FNDC10: variants seen among roughly 807,000 people sequenced by gnomAD.
FNDC10 encodes the protein fibronectin type III domain-containing protein 10.
In FNDC10, 8 loss-of-function variants were observed where a neutral mutation model predicts 11.6. The observed-to-expected ratio is 0.69, with a 90% CI of 0.41 to 1.25. The LOEUF is 1.25. Ranked by LOEUF, FNDC10 falls within the 50% of genes most tolerant of loss-of-function variation. The probability of loss-of-function intolerance (pLI) is 0.01; values close to 1 mark genes in which losing one functional copy is unlikely to be tolerated. For missense variants in FNDC10, 308 were observed against 330.2 expected (o/e 0.93, Z 0.52); for synonymous variants, 187 against 162.9 (o/e 1.15, Z -1.12).
chr1:1,599,919 C>A lies in FNDC10; in HGVS notation c.97G>T (p.Asp33Tyr). 1 of 1,000,336 alleles carries A rather than the reference C, an allele frequency of 1.0e-6. No homozygotes were observed. The highest frequency in any genetic ancestry group is 4.5e-5 in the South Asian group (1 of 22,276). The allele number at this position is 1,000,336 out of a possible 1,614,324, so 62.0% of individuals were successfully genotyped here. A position where few individuals can be genotyped will look rare whatever the true frequency, so the allele number is the denominator to read the frequency against. ...PTPPGWEPTP[D>Y]APWCPYKVLP... ...ACCTTGTAGGGGCACCAGGGCGCGT[C>A]GGGGGTCGGCTCCCAGCCCGGCGGC... is the stretch of plus-strand genomic sequence containing the variant. The change falls in exon 1 of 1, where the codon GAC becomes TAC. Residue 33 changes from aspartate to tyrosine, a missense_variant. By Grantham distance (160) the Asp-to-Tyr change is radical. Transcript: ENST00000422725. This position sits in a 1 kb window ranked among gnomAD's most constrained non-coding sequence, Gnocchi z 6.7.
Position 1,599,285 on chromosome 1 carries a change from T to C in FNDC10, c.*50A>G, listed in dbSNP as rs532123778. 2.1e-6 allele frequency: 3 copies of C among 1,422,198 alleles called. No individual in the cohort carries two copies. Among genetic ancestry groups the C allele is most frequent in the South Asian group, 2.8e-5 (2 of 71,506 alleles). 88.1% of individuals were successfully genotyped at this position (1,422,198 alleles called of 1,614,324 possible). On this transcript the variant is annotated 3_prime_UTR_variant, in exon 1 of 1. Coordinates refer to ENST00000422725, the MANE Select transcript of FNDC10 (RefSeq NM_001242659.2). The surrounding 1 kb of genome is among the most constrained non-coding windows in gnomAD (Gnocchi z 6.7). ...GAGAGCGGGCGGAGGACCTGGGAGC[T>C]CAGGCGCCCTCAGGCAGGTGGCGCA...
chr1:1,599,617 G>A lies in FNDC10; in HGVS notation c.399C>T (p.Tyr133=). ...CGCTGTCGTGCACGTCGGGCAGCAG[G>A]TAGTCGCGGCAGGAGGCCCCGAGGA... ...RVLLGASCRD[Y]LLPDVHDSVL... Residue 133 remains tyrosine, a synonymous_variant, in exon 1 of 1, where the codon TAC becomes TAT. Transcript: ENST00000422725. This position sits in a 1 kb window ranked among gnomAD's most constrained non-coding sequence, Gnocchi z 6.7. 1 of 1,498,594 alleles carries A rather than the reference G, an allele frequency of 6.7e-7. No individual in the cohort carries two copies. The highest frequency in any genetic ancestry group is 8.9e-7 in the Non-Finnish European group (1 of 1,129,442). 92.8% of individuals were successfully genotyped at this position (1,498,594 alleles called of 1,614,324 possible).
rs531027514 is a variant in FNDC10 at position 1,599,380 on chromosome 1, G to C, written c.636C>G (p.Leu212=). 202 of 1,531,664 alleles carry C rather than the reference G, an allele frequency of 1.3e-4. No individual in the cohort carries two copies. Among genetic ancestry groups the C allele is most frequent in the Admixed American group, 4.4e-4 (22 of 50,104 alleles). The allele number at this position is 1,531,664 out of a possible 1,614,324, so 94.9% of individuals were successfully genotyped here. A position where few individuals can be genotyped will look rare whatever the true frequency, so the allele number is the denominator to read the frequency against. The part of the protein sequence containing the change: ...CLLVAYITEN[L]MRPALARPGL... ...CGGGGCGCGCGAGGGCCGGGCGCAT[G>C]AGGTTCTCGGTGATGTAGGCCACCA... Residue 212 remains leucine, a synonymous_variant, in exon 1 of 1, where the codon CTC becomes CTG. Transcript: ENST00000422725. The surrounding 1 kb of genome is among the most constrained non-coding windows in gnomAD (Gnocchi z 6.7).
rs1643070412 is a variant in FNDC10 at position 1,598,247 on chromosome 1, C to G, written c.*1088G>C. On this transcript the variant is annotated 3_prime_UTR_variant, in exon 1 of 1. Transcript: ENST00000422725. ...AGGGGAGGGCAGTGCCATAACCCTC[C>G]TGGTGTCCAGCGTCACCAGGCGGTC... is the stretch of plus-strand genomic sequence containing the variant. The G allele has an allele frequency of 6.6e-6, 1 of 152,294 alleles. No individual in the cohort carries two copies. The highest frequency in any genetic ancestry group is 1.5e-5 in the Non-Finnish European group (1 of 68,096). The allele number at this position is 152,294 out of a possible 1,614,324, so 9.4% of individuals were successfully genotyped here.
rs1372884092 is a variant in FNDC10, at chr1:1,600,068, C to G, written c.-53G>C. 1.1e-6 allele frequency: 1 copy of G among 921,534 alleles called. No homozygotes were observed. The highest frequency in any genetic ancestry group is 1.2e-4 in the East Asian group (1 of 8,326). The allele number at this position is 921,534 out of a possible 1,614,324, so 57.1% of individuals were successfully genotyped here. The stretch of plus-strand genomic sequence containing the variant: ...CTGGGTCACGCGGGCCGCGCCGCCG[C>G]CGTCCCCGCTGCCCGCTCCCCGCGA... On this transcript the variant is annotated 5_prime_UTR_variant, in exon 1 of 1. Coordinates refer to ENST00000422725, the MANE Select transcript of FNDC10 (RefSeq NM_001242659.2).
Position 1,599,929 on chromosome 1 carries a change from C to T in FNDC10, c.87G>A (p.Glu29=), listed in dbSNP as rs2100221329. The T allele has an allele frequency of 2.0e-6, 2 of 997,128 alleles. No homozygotes were observed. Among genetic ancestry groups the T allele is most frequent in the Middle Eastern group, 5.1e-4 (1 of 1,976 alleles). 61.8% of individuals were successfully genotyped at this position (997,128 alleles called of 1,614,324 possible). Reference sequence around the variant, plus strand: ...GGCACCAGGGCGCGTCGGGGGTCGGCTCCCAGCCCGGCGGCGTCGGGGCGG... The same window carrying T: ...GGCACCAGGGCGCGTCGGGGGTCGGTTCCCAGCCCGGCGGCGTCGGGGCGG... ...AAAAPTPPGW[E]PTPDAPWCPY... The change falls in exon 1 of 1, where the codon GAG becomes GAA. Residue 29 remains glutamate, a synonymous_variant. Coordinates refer to ENST00000422725, the MANE Select transcript of FNDC10 (RefSeq NM_001242659.2). The surrounding 1 kb of genome is among the most constrained non-coding windows in gnomAD (Gnocchi z 6.7).
chr1:1,599,258 A>T lies in FNDC10; in HGVS notation c.*77T>A. 1 of 1,320,168 alleles carries T rather than the reference A, an allele frequency of 7.6e-7. No homozygotes were observed. The highest frequency in any genetic ancestry group is 1.0e-6 in the Non-Finnish European group (1 of 1,000,860). 81.8% of individuals were successfully genotyped at this position (1,320,168 alleles called of 1,614,324 possible). ...TTAAGGAGGCAGCAGGAATGAGGAG[A>T]GGAGAGCGGGCGGAGGACCTGGGAG... On this transcript the variant is annotated 3_prime_UTR_variant, in exon 1 of 1. Coordinates refer to ENST00000422725, the MANE Select transcript of FNDC10 (RefSeq NM_001242659.2). This position sits in a 1 kb window ranked among gnomAD's most constrained non-coding sequence, Gnocchi z 6.7.
rs2100218145 is a variant in FNDC10, at chr1:1,598,053, TTGCGCCTGACCGGCG to T, written c.*1267_*1281del. 1 of 152,408 alleles carries T rather than the reference TTGCGCCTGACCGGCG, an allele frequency of 6.6e-6. No individual in the cohort carries two copies. Among genetic ancestry groups the T allele is most frequent in the African/African-American group, 2.4e-5 (1 of 41,588 alleles). The allele number at this position is 152,408 out of a possible 1,614,324, so 9.4% of individuals were successfully genotyped here. On this transcript the variant is annotated 3_prime_UTR_variant, in exon 1 of 1. Coordinates refer to ENST00000422725, the MANE Select transcript of FNDC10 (RefSeq NM_001242659.2). The stretch of plus-strand genomic sequence containing the variant: ...GGACATTTAGACACTGGCGCCAGGT[TTGCGCCTGACCGGCG>T]CCACGCAGGGGTGGGCGGAGCAAAG...
chr1:1,599,339 G>C lies in FNDC10; in HGVS notation c.677C>G (p.Pro226Arg). Residue 226 changes from proline (P) to arginine (R), a missense_variant, in exon 1 of 1, where the codon CCC becomes CGC. Transcript: ENST00000422725. This position sits in a 1 kb window ranked among gnomAD's most constrained non-coding sequence, Gnocchi z 6.7. ...ATGGGCGGGCGGCCTCGCGCTTCAG[G>C]GGTGTCTGCGCAGGCCGGGGCGCGC... ...ALARPGLRRH[P>R] 1 of 1,509,684 alleles carries C rather than the reference G, an allele frequency of 6.6e-7. No individual in the cohort carries two copies. Among genetic ancestry groups the C allele is most frequent in the African/African-American group, 1.4e-5 (1 of 70,568 alleles). The allele number at this position is 1,509,684 out of a possible 1,614,324, so 93.5% of individuals were successfully genotyped here. A position where few individuals can be genotyped will look rare whatever the true frequency, so the allele number is the denominator to read the frequency against.
In FNDC10 at chr1:1,598,920, A is replaced by G; in HGVS notation, c.*415T>C. 1 of 191,918 alleles carries G rather than the reference A, an allele frequency of 5.2e-6. No homozygotes were observed. Among genetic ancestry groups the G allele is most frequent in the Non-Finnish European group, 1.1e-5 (1 of 94,800 alleles). 11.9% of individuals were successfully genotyped at this position (191,918 alleles called of 1,614,324 possible). ...GGGGCGGGGCAGGACAGGCTTGGAG[A>G]GCTGCGCCCCAGGCCTGCAAAGCAC... On this transcript the variant is annotated 3_prime_UTR_variant, in exon 1 of 1. Coordinates refer to ENST00000422725, the MANE Select transcript of FNDC10 (RefSeq NM_001242659.2).
rs2100221183 is a variant in FNDC10 at position 1,599,864 on chromosome 1, C to T, written c.152G>A (p.Gly51Glu). Residue 51 changes from glycine to glutamate, a missense_variant, in exon 1 of 1, where the codon GGG becomes GAG. Physicochemically the swap from Gly to Glu is moderately conservative, Grantham distance 98 (BLOSUM62 -2). Transcript: ENST00000422725. This position sits in a 1 kb window ranked among gnomAD's most constrained non-coding sequence, Gnocchi z 6.7. ...VLPEGPEAGG[G>E]RLCFRSPARG... Reference sequence around the variant, plus strand: ...CGCGGGGCTGCGGAAGCACAGGCGCCCGCCGCCCGCCTCGGGGCCCTCGGG... The same window carrying T: ...CGCGGGGCTGCGGAAGCACAGGCGCTCGCCGCCCGCCTCGGGGCCCTCGGG... 1 of 1,039,392 alleles carries T rather than the reference C, an allele frequency of 9.6e-7. No homozygotes were observed. Among genetic ancestry groups the T allele is most frequent in the Non-Finnish European group, 1.2e-6 (1 of 867,466 alleles). 64.4% of individuals were successfully genotyped at this position (1,039,392 alleles called of 1,614,324 possible). A position where few individuals can be genotyped will look rare whatever the true frequency, so the allele number is the denominator to read the frequency against.
chr1:1,599,269 C>G lies in FNDC10; in HGVS notation c.*66G>C. 1 of 1,375,838 alleles carries G rather than the reference C, an allele frequency of 7.3e-7. No homozygotes were observed. The highest frequency in any genetic ancestry group is 9.5e-7 in the Non-Finnish European group (1 of 1,048,616). The allele number at this position is 1,375,838 out of a possible 1,614,324, so 85.2% of individuals were successfully genotyped here. ...GCAGGAATGAGGAGAGGAGAGCGGG[C>G]GGAGGACCTGGGAGCTCAGGCGCCC... On this transcript the variant is annotated 3_prime_UTR_variant, in exon 1 of 1. Transcript: ENST00000422725. This position sits in a 1 kb window ranked among gnomAD's most constrained non-coding sequence, Gnocchi z 6.7.
At position 1,599,098 on chromosome 1, in the gene FNDC10, G is replaced by A. The variant is rs1349299693; in HGVS notation, c.*237C>T. ...GCGGAGAGCGGGGAGAGCCCTGGAT[G>A]CGGCTGGCACAGCAGCGCAAGCCCA... is the stretch of plus-strand genomic sequence containing the variant. On this transcript the variant is annotated 3_prime_UTR_variant, in exon 1 of 1. Transcript: ENST00000422725. The surrounding 1 kb of genome is among the most constrained non-coding windows in gnomAD (Gnocchi z 6.7). The A allele has an allele frequency of 7.4e-6, 4 of 541,078 alleles. No individual in the cohort carries two copies. Among genetic ancestry groups the A allele is most frequent in the African/African-American group, 4.0e-5 (2 of 49,906 alleles). 33.5% of individuals were successfully genotyped at this position (541,078 alleles called of 1,614,324 possible).
Position 1,599,653 on chromosome 1 carries a change from G to C in FNDC10, c.363C>G (p.Cys121Trp). 2.7e-6 allele frequency: 4 copies of C among 1,466,054 alleles called. No homozygotes were observed. The highest frequency in any genetic ancestry group is 3.6e-6 in the Non-Finnish European group (4 of 1,110,984). 90.8% of individuals were successfully genotyped at this position (1,466,054 alleles called of 1,614,324 possible). A position where few individuals can be genotyped will look rare whatever the true frequency, so the allele number is the denominator to read the frequency against. The stretch of plus-strand genomic sequence containing the variant: ...AGGAGGCCCCGAGGAGCACGCGCTC[G>C]CACGGGAAGCGCGTGTAGGCGCCGC... Reference protein sequence around the residue: ...SWRGAYTRFPCERVLLGASCR... With the variant: ...SWRGAYTRFPWERVLLGASCR... The change falls in exon 1 of 1, where the codon TGC becomes TGG. Residue 121 changes from cysteine (C) to tryptophan (W), a missense_variant. Cys to Trp is a radical substitution (Grantham distance 215). Transcript: ENST00000422725. The surrounding 1 kb of genome is among the most constrained non-coding windows in gnomAD (Gnocchi z 6.7).
At position 1,600,052 on chromosome 1, in the gene FNDC10, G is replaced by A; in HGVS notation, c.-37C>T. ...GCCACGGGGCGCGGCGCTGGGTCACGCGGGCCGCGCCGCCGCCGTCCCCGC... is the reference window on the plus strand; with the variant it reads ...GCCACGGGGCGCGGCGCTGGGTCACACGGGCCGCGCCGCCGCCGTCCCCGC... On this transcript the variant is annotated 5_prime_UTR_variant, in exon 1 of 1. Coordinates refer to ENST00000422725, the MANE Select transcript of FNDC10 (RefSeq NM_001242659.2). 4.1e-6 allele frequency: 4 copies of A among 965,954 alleles called. No homozygotes were observed. Among genetic ancestry groups the A allele is most frequent in the Non-Finnish European group, 4.9e-6 (4 of 815,906 alleles). 59.8% of individuals were successfully genotyped at this position (965,954 alleles called of 1,614,324 possible). A position where few individuals can be genotyped will look rare whatever the true frequency, so the allele number is the denominator to read the frequency against.
rs965002261 is a variant in FNDC10 at position 1,600,027 on chromosome 1, G to A, written c.-12C>T. 42 of 978,672 alleles carry A rather than the reference G, an allele frequency of 4.3e-5. No individual in the cohort carries two copies. The highest frequency in any genetic ancestry group is 5.0e-5 in the Non-Finnish European group (41 of 826,842). The allele number at this position is 978,672 out of a possible 1,614,324, so 60.6% of individuals were successfully genotyped here. On this transcript the variant is annotated 5_prime_UTR_variant, in exon 1 of 1. Transcript: ENST00000422725. ...GGCGGGGCGCGCATCCTGCGGCGGG[G>A]CCACGGGGCGCGGCGCTGGGTCACG... is the stretch of plus-strand genomic sequence containing the variant.
Position 1,599,541 on chromosome 1 carries a change from C to T in FNDC10, c.475G>A (p.Ala159Thr). 6.6e-7 allele frequency: 1 copy of T among 1,504,982 alleles called. No individual in the cohort carries two copies. Among genetic ancestry groups the T allele is most frequent in the Non-Finnish European group, 8.8e-7 (1 of 1,136,252 alleles). 93.2% of individuals were successfully genotyped at this position (1,504,982 alleles called of 1,614,324 possible). The stretch of plus-strand genomic sequence containing the variant: ...GGCTCGGGGGTCTCTGGCGCGGCGG[C>T]GGCGGGCCCAGCGCGCAGCGGCAGC... ...QPLPLRAGPA[A>T]AAPETPEPAE... The change falls in exon 1 of 1, where the codon GCC becomes ACC. Residue 159 changes from alanine to threonine, a missense_variant. By Grantham distance (58) the Ala-to-Thr change is moderately conservative. Coordinates refer to ENST00000422725, the MANE Select transcript of FNDC10 (RefSeq NM_001242659.2). The surrounding 1 kb of genome is among the most constrained non-coding windows in gnomAD (Gnocchi z 6.7).
chr1:1,599,338 G>C lies in FNDC10; in HGVS notation c.678C>G (p.Pro226=), dbSNP rs1241296209. The change falls in exon 1 of 1, where the codon CCC becomes CCG. Residue 226 remains proline (P), a synonymous_variant. Transcript: ENST00000422725. The surrounding 1 kb of genome is among the most constrained non-coding windows in gnomAD (Gnocchi z 6.7). The part of the protein sequence containing the change: ...ALARPGLRRH[P] ...GATGGGCGGGCGGCCTCGCGCTTCAGGGGTGTCTGCGCAGGCCGGGGCGCG... is the reference window on the plus strand; with the variant it reads ...GATGGGCGGGCGGCCTCGCGCTTCACGGGTGTCTGCGCAGGCCGGGGCGCG... 8 of 1,509,358 alleles carry C rather than the reference G, an allele frequency of 5.3e-6. No homozygotes were observed. The highest frequency in any genetic ancestry group is 7.0e-6 in the Non-Finnish European group (8 of 1,136,546). The allele number at this position is 1,509,358 out of a possible 1,614,324, so 93.5% of individuals were successfully genotyped here. A position where few individuals can be genotyped will look rare whatever the true frequency, so the allele number is the denominator to read the frequency against.
At position 1,599,376 on chromosome 1, in the gene FNDC10, G is replaced by C; in HGVS notation, c.640C>G (p.Arg214Gly). Reference protein sequence around the residue: ...LVAYITENLMRPALARPGLRR... With the variant: ...LVAYITENLMGPALARPGLRR... ...AGGCCGGGGCGCGCGAGGGCCGGGC[G>C]CATGAGGTTCTCGGTGATGTAGGCC... The change falls in exon 1 of 1, where the codon CGC becomes GGC. Residue 214 changes from arginine (R) to glycine (G), a missense_variant. Coordinates refer to ENST00000422725, the MANE Select transcript of FNDC10 (RefSeq NM_001242659.2). This position sits in a 1 kb window ranked among gnomAD's most constrained non-coding sequence, Gnocchi z 6.7. 6.5e-7 allele frequency: 1 copy of C among 1,530,500 alleles called. No homozygotes were observed. 94.8% of individuals were successfully genotyped at this position (1,530,500 alleles called of 1,614,324 possible).
Sources: allele counts gnomAD v4.1 joint callset, GRCh38; gene constraint gnomAD v4.1.1; non-coding constraint Gnocchi (gnomAD v3.1); transcripts MANE v1.5; gene names NCBI Gene and HGNC (gene_info 2026-07-23, HGNC 2026-07-21).